Variants in RBPMS observed in about 807,000 individuals in gnomAD.
RBPMS encodes RNA-binding protein with multiple splicing.
RBPMS carries 7 observed loss-of-function variants against 26.8 expected under a neutral mutation model. The ratio of observed to expected loss-of-function variants is 0.26; its 90% CI spans 0.15 to 0.49. The LOEUF (loss-of-function observed/expected upper bound fraction) is 0.49. RBPMS is among the 20% of genes least tolerant of loss of function. RBPMS has a pLI of 0.98. For synonymous variants in RBPMS, 96 were observed against 93.3 expected (o/e 1.03, Z -0.17); for missense variants, 186 against 250.0 (o/e 0.74, Z 1.73).
intron 4 of RBPMS, among the ~76,000 whole-genome samples, chr8:30,485,078 G>A (rs1818646038): frequency 6.6e-6 from 1 of 152,156 alleles, no homozygotes; most frequent in South Asian, 2.1e-4. Context: ...CAGAAGTACT[G>A]GTACAGACCG....
chr8:30,385,422 G>T, intron 1 of RBPMS: 1 of 334,180 alleles, frequency 3.0e-6, no homozygotes. Context: ...GTTTGCCCGG[G>T]ATTTATAAGT....
At chr8:30,510,118 C>G (rs1393371005) in intron 5 of RBPMS, among the ~76,000 whole-genome samples, 2 of 152,174 alleles carry the variant, frequency 1.3e-5, no homozygotes, top group Non-Finnish European at 2.9e-5. Context: ...AAAACATCAC[C>G]TCAGTCTCTG....
At chr8:30,546,496 A>G (rs1247768417) in intron 6 of RBPMS, among the ~76,000 whole-genome samples, 3 of 152,200 alleles carry the variant, frequency 2.0e-5, no homozygotes, top group African/African-American at 7.2e-5. Context: ...AGCATATGCC[A>G]TTGTAAGGAA....
chr8:30,503,738 A>C (rs991542338), intron 4 of RBPMS, among the ~76,000 whole-genome samples: 1 of 152,060 alleles, frequency 6.6e-6, no homozygotes. Context: ...ATGGGAACTG[A>C]GTGGGTCCCA....
chr8:30,410,718 CTTTTTTTTTT>C (rs33979972), intron 1 of RBPMS, among the ~76,000 whole-genome samples: 2 of 131,922 alleles, frequency 1.5e-5, no homozygotes, highest in Non-Finnish European at 3.3e-5. Flanking sequence ...TTCTTTTTTC[CTTTTTTTTTT>C]TTTTTGTTTG....
intron 5 of RBPMS, among the ~76,000 whole-genome samples, chr8:30,538,775 A>G (rs1825078787): frequency 6.6e-6 from 1 of 152,140 alleles, no homozygotes; most frequent in Admixed American, 6.5e-5. Context: ...CTCTGCTTGT[A>G]GAGATACCAT....
intron 1 of RBPMS, among the ~76,000 whole-genome samples, chr8:30,419,172 G>A (rs1052074772): frequency 1.3e-5 from 2 of 151,958 alleles, no homozygotes; most frequent in African/African-American, 2.4e-5. Flanking sequence ...ATGGCTGGGC[G>A]CAATGGCTCA....
chr8:30,475,875 G>A (rs1817637581), intron 2 of RBPMS, among the ~76,000 whole-genome samples: 1 of 152,144 alleles, frequency 6.6e-6, no homozygotes, highest in African/African-American at 2.4e-5. Flanking sequence ...TAATGATGAT[G>A]GCACAGGGAA....
chr8:30,466,927 A>G (rs970263847), intron 1 of RBPMS, among the ~76,000 whole-genome samples: 9 of 152,094 alleles, frequency 5.9e-5, no homozygotes, highest in African/African-American at 1.7e-4. Context: ...TGGTTAGTCA[A>G]TCCTTGGTGT....
At chr8:30,519,443 TG>T (rs1822765644) in intron 5 of RBPMS, among the ~76,000 whole-genome samples, 1 of 149,178 alleles carries the variant, frequency 6.7e-6, no homozygotes, top group Non-Finnish European at 1.5e-5. Context: ...TCACCCTACG[TG>T]GGAGGATCTC....
In RBPMS at chr8:30,500,929, T is replaced by A. The variant is rs142245085; in HGVS notation, c.247-3357T>A. Reference sequence around the variant, plus strand: ...GATCTGTTCTAGTCCCTTCATTGAGTCTGTCTTCCCTACCACCCCTAGAGT... The same window carrying A: ...GATCTGTTCTAGTCCCTTCATTGAGACTGTCTTCCCTACCACCCCTAGAGT... On this transcript the variant is annotated intron_variant, in intron 4 of 8. Coordinates refer to ENST00000397323, the MANE Select transcript of RBPMS (RefSeq NM_001008710.3). Among the ~76,000 whole-genome samples, 36 of 152,186 alleles carry A rather than the reference T, an allele frequency of 2.4e-4. 1 individual carries two copies. Among genetic ancestry groups the A allele is most frequent in the African/African-American group, 8.4e-4 (35 of 41,512 alleles).
intron 5 of RBPMS, among the ~76,000 whole-genome samples, chr8:30,514,217 T>C (rs181517690): frequency 6.6e-6 from 1 of 152,280 alleles, no homozygotes; most frequent in Admixed American, 6.5e-5. Context: ...AAATTAACGT[T>C]ATTTAACCTC....
intron 6 of RBPMS, among the ~76,000 whole-genome samples, chr8:30,557,615 G>A (rs1278261809): frequency 6.6e-6 from 1 of 152,314 alleles, no homozygotes; most frequent in East Asian, 1.9e-4. Flanking sequence ...TCATCACTAA[G>A]CTTTGGAGAT....
rs1396684979 is a variant in RBPMS, at chr8:30,570,696, A to G, written c.*171A>G. The G allele has an allele frequency of 6.6e-6, 1 of 152,634 alleles. No individual in the cohort carries two copies. The highest frequency in any genetic ancestry group is 2.4e-5 in the African/African-American group (1 of 41,444). The allele number at this position is 152,634 out of a possible 1,614,324, so 9.5% of individuals were successfully genotyped here. On this transcript the variant is annotated 3_prime_UTR_variant, in exon 9 of 9. Coordinates refer to ENST00000397323, the MANE Select transcript of RBPMS (RefSeq NM_001008710.3). ...AAGACTTTGTCACAGCCTCTATCAC[A>G]CATCTGTTTTTCTCGAAGAAAAAAA...
chr8:30,544,719 C>G (rs1403845747), intron 6 of RBPMS, 95 bp downstream of exon 6: 1 of 1,602,824 alleles, frequency 6.2e-7, no homozygotes, highest in East Asian at 2.2e-5. Context: ...AACACCTATC[C>G]AGCTAACAGA....
At chr8:30,464,676 G>T (rs1286498407) in intron 1 of RBPMS, among the ~76,000 whole-genome samples, 1 of 152,198 alleles carries the variant, frequency 6.6e-6, no homozygotes, top group Non-Finnish European at 1.5e-5. Flanking sequence ...TTTTAACTAG[G>T]TAGTTTGAGA....
intron 8 of RBPMS, among the ~76,000 whole-genome samples, chr8:30,569,120 G>A (rs1244490053): frequency 6.6e-6 from 1 of 152,182 alleles, no homozygotes; most frequent in Non-Finnish European, 1.5e-5. Context: ...GGCTCAGGGT[G>A]CCCCTGGGCT....
chr8:30,511,484 AAAATATATATATATATATAT>A (rs1391034775), intron 5 of RBPMS, among the ~76,000 whole-genome samples: 8 of 6,152 alleles, frequency 1.3e-3, no homozygotes, highest in African/African-American at 2.0e-3. Context: ...AAAAAAAAAA[AAAATATATATATATATATAT>A]ATATATATAT....
chr8:30,501,189 C>G (rs914533274), intron 4 of RBPMS, among the ~76,000 whole-genome samples: 2 of 152,008 alleles, frequency 1.3e-5, no homozygotes, highest in Non-Finnish European at 2.9e-5. Flanking sequence ...TGAGCACACA[C>G]TCCAAAGTCC....
Sources: allele counts gnomAD v4.1 joint callset (sites outside exome capture counted in the v4.1 genomes callset), GRCh38; gene constraint gnomAD v4.1.1; transcripts MANE v1.5; gene names NCBI Gene and HGNC (gene_info 2026-07-23, HGNC 2026-07-21).